The following FBLN1 variants were observed in gnomAD, a reference collection of about 807,000 sequenced individuals.
The protein encoded by FBLN1 is fibulin-1.
In FBLN1, 34 loss-of-function variants were observed where a neutral mutation model predicts 89.7. That is an observed-to-expected ratio of 0.38 (90% CI 0.29 to 0.50). The LOEUF (loss-of-function observed/expected upper bound fraction) is 0.50. Ranked by LOEUF, FBLN1 falls within the 20% of genes least tolerant of loss-of-function variation. FBLN1 has a pLI of 0.92. For missense variants in FBLN1, 777 were observed against 988.1 expected (o/e 0.79, Z 2.86); for synonymous variants, 393 against 391.3 (o/e 1.00, Z -0.05).
At position 45,537,691 on chromosome 22, in the gene FBLN1, G is replaced by A. The variant is rs1176082302; in HGVS notation, c.922+2354G>A. On this transcript the variant is annotated intron_variant, in intron 8 of 16. Transcript: ENST00000327858. This position sits in a 1 kb window ranked among gnomAD's most constrained non-coding sequence, Gnocchi z 5.7. ...AGGACAGGGGCCTCGTCTGAAACCC[G>A]CCCCAGCCTTCCTCTGTTACAGCTT... is the stretch of plus-strand genomic sequence containing the variant. Among the ~76,000 whole-genome samples, 2 of 151,696 alleles carry A rather than the reference G, an allele frequency of 1.3e-5. No individual in the cohort carries two copies. Among genetic ancestry groups the A allele is most frequent in the Non-Finnish European group, 1.5e-5 (1 of 67,948 alleles).
chr22:45,532,878 G>A lies in FBLN1; in HGVS notation c.545-185G>A, dbSNP rs2088427977. 5 of 637,788 alleles carry A rather than the reference G, an allele frequency of 7.8e-6. No individual in the cohort carries two copies. The highest frequency in any genetic ancestry group is 4.6e-5 in the Admixed American group (2 of 43,320). The allele number at this position is 637,788 out of a possible 1,614,324, so 39.5% of individuals were successfully genotyped here. A position where few individuals can be genotyped will look rare whatever the true frequency, so the allele number is the denominator to read the frequency against. ...TGGGACCTGAAGCAGCAGCCCCTGGGGGGTGTCCAGAGCCAGAGCCTGGGG... is the reference window on the plus strand; with the variant it reads ...TGGGACCTGAAGCAGCAGCCCCTGGAGGGTGTCCAGAGCCAGAGCCTGGGG... On this transcript the variant is annotated intron_variant, in intron 5 of 16. Transcript: ENST00000327858. The surrounding 1 kb of genome is among the most constrained non-coding windows in gnomAD (Gnocchi z 4.2).
chr22:45,590,659 G>T lies in FBLN1; in HGVS notation c.1973-9648G>T, dbSNP rs1193589016. 6.6e-6 allele frequency among the ~76,000 whole-genome samples: 1 copy of T among 152,308 alleles called. No individual in the cohort carries two copies. On this transcript the variant is annotated intron_variant, in intron 16 of 16. Coordinates refer to ENST00000327858, the MANE Select transcript of FBLN1 (RefSeq NM_006486.3). The surrounding 1 kb of genome is among the most constrained non-coding windows in gnomAD (Gnocchi z 4.1). ...GAGGCCGGAACTGAGGCCAGGTGGGGTTGTGGGGAGAGAAGGGAGGAGAGT... is the reference window on the plus strand; with the variant it reads ...GAGGCCGGAACTGAGGCCAGGTGGGTTTGTGGGGAGAGAAGGGAGGAGAGT...
chr22:45,600,209 C>T (rs1463806833), intron 16 of FBLN1, 98 bp from the exon 17 acceptor site: 81 of 1,470,720 alleles, frequency 5.5e-5, no homozygotes, highest in Non-Finnish European at 7.6e-5. Flanking sequence ...TCTATGCCTC[C>T]TTCTAGCTCT....
chr22:45,506,547 C>T (rs186326016), intron 1 of FBLN1, among the ~76,000 whole-genome samples: 95 of 152,240 alleles, frequency 6.2e-4, no homozygotes, highest in African/African-American at 2.2e-3. Flanking sequence ...CCGGAGGAAG[C>T]GGCATGCAAA....
chr22:45,549,407 C>G lies in FBLN1; in HGVS notation c.1573+663C>G, dbSNP rs2088673211. Reference sequence around the variant, plus strand: ...GGAGCCCCACACAGGACTGTGGATCCTGGGGCTCTGGAAGCCCCCTGGGTC... The same window carrying G: ...GGAGCCCCACACAGGACTGTGGATCGTGGGGCTCTGGAAGCCCCCTGGGTC... On this transcript the variant is annotated intron_variant, in intron 13 of 16. Transcript: ENST00000327858. This position sits in a 1 kb window ranked among gnomAD's most constrained non-coding sequence, Gnocchi z 5.7. Among the ~76,000 whole-genome samples the G allele has an allele frequency of 6.6e-6, 1 of 152,146 alleles. No individual in the cohort carries two copies. The highest frequency in any genetic ancestry group is 1.5e-5 in the Non-Finnish European group (1 of 68,020).
intron 2 of FBLN1, 59 bp from the exon 3 acceptor site, chr22:45,525,484 T>A (rs1358689159): frequency 9.2e-6 from 14 of 1,524,908 alleles, no homozygotes; most frequent in Non-Finnish European, 1.2e-5. Flanking sequence ...CCCCCGAGGA[T>A]CTCGTGCCCT....
Position 45,525,365 on chromosome 22 carries a change from A to G in FBLN1, c.186-178A>G, listed in dbSNP as rs1602175204. On this transcript the variant is annotated intron_variant, in intron 2 of 16. Coordinates refer to ENST00000327858, the MANE Select transcript of FBLN1 (RefSeq NM_006486.3). ...CCACTGTGCCCGGCCAAGCCTTTCTAACTAAATGCTAATTGAGCTCCTTCT... is the reference window on the plus strand; with the variant it reads ...CCACTGTGCCCGGCCAAGCCTTTCTGACTAAATGCTAATTGAGCTCCTTCT... Among the ~76,000 whole-genome samples the G allele has an allele frequency of 2.0e-5, 3 of 152,308 alleles. No homozygotes were observed. The South Asian group carries it at 6.2e-4, about 32-fold the overall frequency.
chr22:45,525,987 G>T (rs9626372), intron 3 of FBLN1, among the ~76,000 whole-genome samples: 1 of 152,150 alleles, frequency 6.6e-6, no homozygotes, highest in Non-Finnish European at 1.5e-5. Context: ...TCAAAGCAGG[G>T]CTCCTCCTGG....
chr22:45,528,335 C>T (rs995238742), intron 4 of FBLN1, among the ~76,000 whole-genome samples: 16 of 151,956 alleles, frequency 1.1e-4, no homozygotes, highest in Admixed American at 2.0e-4. Flanking sequence ...AACAGACTTA[C>T]ATGTTAATCT....
chr22:45,568,887 C>T (rs1006079362), intron 14 of FBLN1, among the ~76,000 whole-genome samples: 17 of 152,202 alleles, frequency 1.1e-4, no homozygotes, highest in Non-Finnish European at 2.5e-4. Flanking sequence ...TGTCTCAGCC[C>T]CTGGTGGTTT....
Position 45,583,137 on chromosome 22 carries a change from G to A in FBLN1, c.1972+6029G>A, listed in dbSNP as rs1035827699. On this transcript the variant is annotated intron_variant, in intron 16 of 16. Coordinates refer to ENST00000327858, the MANE Select transcript of FBLN1 (RefSeq NM_006486.3). This position sits in a 1 kb window ranked among gnomAD's most constrained non-coding sequence, Gnocchi z 4.5. Reference sequence around the variant, plus strand: ...CCATTTATGTAAGAAAAAAAAGGAAGTGCTGGCCCAGGGTCCCACAGCCAG... The same window carrying A: ...CCATTTATGTAAGAAAAAAAAGGAAATGCTGGCCCAGGGTCCCACAGCCAG... Among the ~76,000 whole-genome samples, 1 of 152,280 alleles carries A rather than the reference G, an allele frequency of 6.6e-6. No individual in the cohort carries two copies. The highest frequency in any genetic ancestry group is 2.1e-4 in the South Asian group (1 of 4,828).
intron 14 of FBLN1, among the ~76,000 whole-genome samples, chr22:45,567,955 G>C (rs2147019115): frequency 6.6e-6 from 1 of 152,290 alleles, no homozygotes. Context: ...CCAGTGGGAG[G>C]GAGGAAGGGG....
intron 4 of FBLN1, among the ~76,000 whole-genome samples, chr22:45,529,752 G>A (rs187727383): frequency 6.6e-6 from 1 of 152,214 alleles, no homozygotes; most frequent in Non-Finnish European, 1.5e-5. Context: ...TGTAATCCCA[G>A]CTACTTGGGA....
intron 16 of FBLN1, among the ~76,000 whole-genome samples, chr22:45,591,809 G>C (rs12160276): frequency 1.2e-5 from 1 of 82,044 alleles, no homozygotes; most frequent in Non-Finnish European, 2.1e-5. Context: ...AGACAGGAGG[G>C]AGGAAGTGTC....
chr22:45,512,921 C>T (rs146837551), intron 1 of FBLN1, among the ~76,000 whole-genome samples: 2 of 152,168 alleles, frequency 1.3e-5, no homozygotes, highest in African/African-American at 4.8e-5. Flanking sequence ...CCATGCCTGG[C>T]CTTTTTGTTG....
In FBLN1 at chr22:45,561,956, G is replaced by T. The variant is rs911852365; in HGVS notation, c.1697+11341G>T. Among the ~76,000 whole-genome samples the T allele has an allele frequency of 2.0e-5, 3 of 152,158 alleles. No individual in the cohort carries two copies. Among genetic ancestry groups the T allele is most frequent in the Non-Finnish European group, 4.4e-5 (3 of 68,032 alleles). ...TTCTGCCTGCTTATAGTCTAGCCGT[G>T]CTGGCAGCTGATTAGATTGTGCCCA... On this transcript the variant is annotated intron_variant, in intron 14 of 16. Transcript: ENST00000327858. The surrounding 1 kb of genome is among the most constrained non-coding windows in gnomAD (Gnocchi z 4.7).
intron 16 of FBLN1, among the ~76,000 whole-genome samples, chr22:45,587,278 C>T (rs1030806091): frequency 6.8e-6 from 1 of 146,590 alleles, no homozygotes; most frequent in Admixed American, 6.9e-5. Context: ...GCCAGAGAGA[C>T]GTCCTCAGCC....
chr22:45,596,226 C>T (rs1455261907), intron 16 of FBLN1, among the ~76,000 whole-genome samples: 1 of 152,186 alleles, frequency 6.6e-6, no homozygotes, highest in Non-Finnish European at 1.5e-5. Flanking sequence ...TCAGGAAGGT[C>T]AAATAATCCA....
At chr22:45,555,250 T>C (rs1209438223) in intron 14 of FBLN1, among the ~76,000 whole-genome samples, 3 of 46,196 alleles carry the variant, frequency 6.5e-5, no homozygotes, top group African/African-American at 1.3e-4. Flanking sequence ...GGAATATACA[T>C]ATATATATAT....
Sources: gnomAD v4.1 joint callset for allele counts (sites outside exome capture counted in the v4.1 genomes callset) on GRCh38, gnomAD v4.1.1 for gene constraint, Gnocchi (gnomAD v3.1) non-coding constraint, MANE v1.5 for transcripts, NCBI Gene and HGNC (gene_info 2026-07-23, HGNC 2026-07-21) for gene names.